Variants in TMPRSS11A observed in about 807,000 individuals in gnomAD.
TMPRSS11A encodes transmembrane serine protease 11A.
In TMPRSS11A, 53 loss-of-function variants were observed where a neutral mutation model predicts 58.9. The observed-to-expected ratio is 0.90, with a 90% CI of 0.72 to 1.13. The LOEUF (loss-of-function observed/expected upper bound fraction) is 1.13, where lower values mean the gene tolerates loss of function less well. Among genes scored for constraint, TMPRSS11A ranks in the 50% most tolerant of loss-of-function variants. The probability of loss-of-function intolerance (pLI) is 0.00; values close to 1 mark genes in which losing one functional copy is unlikely to be tolerated. For missense variants in TMPRSS11A, 493 were observed against 499.3 expected, an observed-to-expected ratio of 0.99 and a Z score of 0.12; for synonymous variants, 167 against 169.8, an observed-to-expected ratio of 0.98 and a Z score of 0.13.
intron 1 of TMPRSS11A, among the ~76,000 whole-genome samples, chr4:67,959,203 T>C (rs925153174): frequency 1.3e-5 from 2 of 152,232 alleles, no homozygotes; most frequent in African/African-American, 4.8e-5. Flanking sequence ...ATTCATTGAC[T>C]ATAGACAGAA....
rs1721418705 is a variant in TMPRSS11A at position 67,961,482 on chromosome 4, C to CTTTCTTT, written c.11+1900_11+1901insAAAGAAA. On this transcript the variant is annotated intron_variant, in intron 1 of 9. Coordinates refer to ENST00000508048, the MANE Select transcript of TMPRSS11A (RefSeq NM_001114387.2). ...CTTTTCTTTCCTTTCCTTTTCTTTT[C>CTTTCTTT]CTTTTTTTTTTTTTTTTTTTTTTTT... 3.9e-5 allele frequency among the ~76,000 whole-genome samples: 4 copies of CTTTCTTT among 102,454 alleles called. 2 individuals are homozygous for CTTTCTTT. The allele number at this position is 102,454 out of a possible 152,430, so 67.2% of individuals were successfully genotyped here. A position where few individuals can be genotyped will look rare whatever the true frequency, so the allele number is the denominator to read the frequency against.
chr4:67,918,312 T>C (rs979888314), intron 8 of TMPRSS11A, among the ~76,000 whole-genome samples: 1 of 152,224 alleles, frequency 6.6e-6, no homozygotes, highest in Admixed American at 6.5e-5. Flanking sequence ...TCATTATTTC[T>C]TACAAGACTA....
chr4:67,928,106 G>C (rs79765239), intron 5 of TMPRSS11A, among the ~76,000 whole-genome samples: 2,162 of 152,152 alleles, frequency 0.014, 55 homozygotes, highest in African/African-American at 0.05. Context: ...GTGCAGTGGC[G>C]CGATCTTGGC....
intron 3 of TMPRSS11A, among the ~76,000 whole-genome samples, chr4:67,941,352 G>C (rs759695697): frequency 3.3e-5 from 5 of 152,200 alleles, no homozygotes; most frequent in Non-Finnish European, 7.4e-5. Context: ...GTGCGGGATG[G>C]GAGGAGAAAA....
chr4:67,935,582 C>G (rs569858634), intron 3 of TMPRSS11A, among the ~76,000 whole-genome samples: 2 of 151,928 alleles, frequency 1.3e-5, no homozygotes, highest in African/African-American at 2.4e-5. Context: ...AACGGCAAAC[C>G]CTTTATGCAT....
intron 4 of TMPRSS11A, 97 bp from the exon 5 acceptor site, chr4:67,930,137 T>A: frequency 8.9e-7 from 1 of 1,127,912 alleles, no homozygotes; most frequent in Non-Finnish European, 1.3e-6. Flanking sequence ...ATCCCTCAGT[T>A]GCTGAGAGTG....
intron 1 of TMPRSS11A, among the ~76,000 whole-genome samples, chr4:67,961,477 CTTTTCCTTTTTTTTTTT>C (rs1560577059): frequency 2.6e-3 from 6 of 2,304 alleles, no homozygotes; most frequent in Admixed American, 6.6e-3. Context: ...CTTTCCTTTT[CTTTTCCTTTTTTTTTTT>C]TTTTTTTTTT....
At position 67,944,521 on chromosome 4, in the gene TMPRSS11A, A is replaced by G. The variant is rs1319040675; in HGVS notation, c.250T>C (p.Leu84=). 1 of 1,608,496 alleles carries G rather than the reference A, an allele frequency of 6.2e-7. No individual in the cohort carries two copies. The highest frequency in any genetic ancestry group is 1.3e-5 in the African/African-American group (1 of 74,758). Residue 84 remains leucine, a splice_region_variant and synonymous_variant, in exon 3 of 10, where the codon TTG becomes CTG. Transcript: ENST00000508048. ...LKDLRETTEN[L]VDEIFIDSAW... is the part of the protein sequence containing the mutation. ...AAAAAGAAGTTTACCTGACTCACCA[A>G]ATTTTCGGTCGTCTCTCGTAAGTCC...
chr4:67,918,914 T>G, intron 8 of TMPRSS11A, 59 bp downstream of exon 8: 12 of 1,576,942 alleles, frequency 7.6e-6, no homozygotes, highest in Non-Finnish European at 1.0e-5. Context: ...TTGATGGAGA[T>G]GAAATCACAT....
chr4:67,932,017 A>T lies in TMPRSS11A; in HGVS notation c.296T>A (p.Ile99Asn), dbSNP rs1720637330. ...FIDSAWKKNYIKNQVVRLTPE... is the reference protein window; with the variant it reads ...FIDSAWKKNYNKNQVVRLTPE... ...CGTCAGTCTGACTACTTGGTTCTTGATATAATTTTTCTTCCAGGCTGAATC... is the reference window on the plus strand; with the variant it reads ...CGTCAGTCTGACTACTTGGTTCTTGTTATAATTTTTCTTCCAGGCTGAATC... The change falls in exon 4 of 10, where the codon ATC (isoleucine) becomes AAC (asparagine). Residue 99 changes from isoleucine to asparagine, a missense_variant. Coordinates refer to ENST00000508048, the MANE Select transcript of TMPRSS11A (RefSeq NM_001114387.2). 6.2e-7 allele frequency: 1 copy of T among 1,605,368 alleles called. No individual in the cohort carries two copies. Among genetic ancestry groups the T allele is most frequent in the Non-Finnish European group, 8.5e-7 (1 of 1,172,384 alleles).
chr4:67,950,245 T>A (rs952510145), intron 1 of TMPRSS11A, among the ~76,000 whole-genome samples: 1 of 152,164 alleles, frequency 6.6e-6, no homozygotes, highest in Non-Finnish European at 1.5e-5. Flanking sequence ...ATTTAGGTAT[T>A]AGGCAGAACT....
rs186038072 is a variant in TMPRSS11A at position 67,924,081 on chromosome 4, T to C, written c.520+47A>G. 1.1e-5 allele frequency: 17 copies of C among 1,522,194 alleles called. No homozygotes were observed. The African/African-American group carries it at 2.2e-4, about 20-fold the overall frequency. 94.3% of individuals were successfully genotyped at this position (1,522,194 alleles called of 1,614,324 possible). On this transcript the variant is annotated intron_variant, in intron 6 of 9. Transcript: ENST00000508048. Reference sequence around the variant, plus strand: ...ATGAGCAAATATTTGAAAATGTCCTTTCTGATGTGAAAATTGAACTTGTTT... The same window carrying C: ...ATGAGCAAATATTTGAAAATGTCCTCTCTGATGTGAAAATTGAACTTGTTT...
chr4:67,939,347 A>C (rs766028773), intron 3 of TMPRSS11A, among the ~76,000 whole-genome samples: 1 of 152,210 alleles, frequency 6.6e-6, no homozygotes, highest in Non-Finnish European at 1.5e-5. Flanking sequence ...GCATATAATC[A>C]TATTGTCAGT....
chr4:67,957,724 T>C (rs1721320187), intron 1 of TMPRSS11A, among the ~76,000 whole-genome samples: 1 of 152,118 alleles, frequency 6.6e-6, no homozygotes, highest in South Asian at 2.1e-4. Context: ...TTTGCATAAG[T>C]AATGAGGAGC....
At chr4:67,920,547 A>ATT (rs1252687414) in intron 7 of TMPRSS11A, among the ~76,000 whole-genome samples, 99 of 80,092 alleles carry the variant, frequency 1.2e-3, no homozygotes, top group Non-Finnish European at 1.0e-3. Flanking sequence ...ATATATATAT[A>ATT]TATTTTTTTT....
chr4:67,941,431 GT>G (rs1423002682), intron 3 of TMPRSS11A, among the ~76,000 whole-genome samples: 1 of 152,118 alleles, frequency 6.6e-6, no homozygotes, highest in Non-Finnish European at 1.5e-5. Context: ...CCCTTGTTTG[GT>G]TTTGAAGTTT....
Position 67,942,636 on chromosome 4 carries a change from C to T in TMPRSS11A, c.252+1883G>A, listed in dbSNP as rs74427937. Among the ~76,000 whole-genome samples, 23 of 152,238 alleles carry T rather than the reference C, an allele frequency of 1.5e-4. No homozygotes were observed. In the East Asian group the frequency reaches 4.4e-3, roughly 29 times the overall value. ...GAAATCCTCATGCATTGTAGATGGG[C>T]GTGCACACTGAGTCAGCCATTTTGA... On this transcript the variant is annotated intron_variant, in intron 3 of 9. Coordinates refer to ENST00000508048, the MANE Select transcript of TMPRSS11A (RefSeq NM_001114387.2).
intron 5 of TMPRSS11A, among the ~76,000 whole-genome samples, chr4:67,929,023 C>T (rs752476845): frequency 2.0e-5 from 3 of 152,136 alleles, no homozygotes; most frequent in Admixed American, 1.3e-4. Flanking sequence ...TTCCAAGAAA[C>T]GAGTATCAAA....
At chr4:67,933,920 G>A (rs1479545259) in intron 3 of TMPRSS11A, among the ~76,000 whole-genome samples, 2 of 152,124 alleles carry the variant, frequency 1.3e-5, no homozygotes, top group Non-Finnish European at 2.9e-5. Context: ...TAACTTTTTG[G>A]TGAAGGCATT....
Sources: gnomAD v4.1 joint callset for allele counts (sites outside exome capture counted in the v4.1 genomes callset) on GRCh38, gnomAD v4.1.1 for gene constraint, MANE v1.5 for transcripts, NCBI Gene and HGNC (gene_info 2026-07-23, HGNC 2026-07-21) for gene names.